The following ATP9B variants were observed in gnomAD, a reference collection of about 807,000 sequenced individuals.
ATP9B encodes probable phospholipid-transporting ATPase IIB.
A neutral mutation model predicts 146.1 loss-of-function variants in ATP9B; 110 were observed. That is an observed-to-expected ratio of 0.75 (90% CI 0.65 to 0.88). The LOEUF is 0.88. Ranked by LOEUF, ATP9B falls within the 40% of genes least tolerant of loss-of-function variation. The pLI is 0.00. For synonymous variants in ATP9B, 604 were observed against 569.7 expected (o/e 1.06, Z -0.86); for missense variants, 1,499 against 1,496.4 (o/e 1.00, Z -0.03).
intron 26 of ATP9B, chr18:79,362,406 T>A (rs957536272): frequency 1.3e-5 from 2 of 152,238 alleles, no homozygotes; most frequent in East Asian, 3.9e-4. Context: ...AAACAAAGAG[T>A]CAGGATTTCC....
At chr18:79,078,604 C>T (rs2072890466) in intron 1 of ATP9B, among the ~76,000 whole-genome samples, 1 of 150,368 alleles carries the variant, frequency 6.7e-6, no homozygotes, top group African/African-American at 2.4e-5. Flanking sequence ...TCATTTTTAA[C>T]AGCTTTTTTG....
chr18:79,279,972 G>C lies in ATP9B; in HGVS notation c.1411+2776G>C, dbSNP rs1251431642. 3.3e-5 allele frequency among the ~76,000 whole-genome samples: 5 copies of C among 152,174 alleles called. No homozygotes were observed. In the East Asian group the frequency reaches 9.6e-4, roughly 29 times the overall value. ...TCTACTCTCCAGCCGTTTTGCTCCT[G>C]CTTCTGTTCCCTACAGAAATGTTTG... On this transcript the variant is annotated intron_variant, in intron 13 of 29. Coordinates refer to ENST00000426216, the MANE Select transcript of ATP9B (RefSeq NM_198531.5).
intron 13 of ATP9B, among the ~76,000 whole-genome samples, chr18:79,279,943 G>A (rs4799028): frequency 0.43 from 64,889 of 152,028 alleles, 14,201 homozygotes; most frequent in Middle Eastern, 0.56. Flanking sequence ...GAATATGCAC[G>A]TGTTCTACTC....
chr18:79,290,113 T>G (rs1022154744), intron 13 of ATP9B, among the ~76,000 whole-genome samples: 146 of 152,196 alleles, frequency 9.6e-4, no homozygotes, highest in African/African-American at 3.0e-3. Context: ...GATCTCCAGC[T>G]GCGTGCTGGG....
chr18:79,342,166 C>T (rs554224728), intron 19 of ATP9B, 102 bp from the exon 20 acceptor site: 5 of 800,020 alleles, frequency 6.2e-6, no homozygotes, highest in African/African-American at 5.1e-5. Flanking sequence ...TTGACGGGCA[C>T]CTGGGTTGCT....
intron 1 of ATP9B, among the ~76,000 whole-genome samples, chr18:79,071,253 C>T (rs928496022): frequency 1.3e-5 from 2 of 151,548 alleles, no homozygotes; most frequent in African/African-American, 4.8e-5. Flanking sequence ...CACTTAGGTC[C>T]TCACTTTAAG....
intron 5 of ATP9B, among the ~76,000 whole-genome samples, chr18:79,143,247 A>G (rs760450001): frequency 7.9e-5 from 12 of 152,246 alleles, no homozygotes; most frequent in Non-Finnish European, 1.5e-4. Context: ...ACTATTCTAC[A>G]TTAGATGTTT....
At chr18:79,196,457 A>G (rs768621828) in intron 9 of ATP9B, among the ~76,000 whole-genome samples, 2 of 152,190 alleles carry the variant, frequency 1.3e-5, no homozygotes, top group Non-Finnish European at 2.9e-5. Context: ...TCAGCTGAAA[A>G]GCAGGAAGAG....
At chr18:79,255,433 C>T (rs748650485) in intron 12 of ATP9B, among the ~76,000 whole-genome samples, 6 of 152,206 alleles carry the variant, frequency 3.9e-5, no homozygotes, top group Non-Finnish European at 8.8e-5. Context: ...CATTTGATGC[C>T]ACCCACTCCC....
chr18:79,154,715 A>G (rs987197976), intron 7 of ATP9B, among the ~76,000 whole-genome samples, 160 bp downstream of exon 7: 6 of 152,230 alleles, frequency 3.9e-5, no homozygotes, highest in Admixed American at 1.3e-4. Flanking sequence ...ATGTAAACAC[A>G]TGAAACCTCT....
intron 13 of ATP9B, among the ~76,000 whole-genome samples, chr18:79,299,244 G>A (rs1230020244): frequency 6.6e-6 from 1 of 152,068 alleles, no homozygotes; most frequent in Non-Finnish European, 1.5e-5. Context: ...TTGGTGGACA[G>A]GAGGCTCTCT....
intron 29 of ATP9B, among the ~76,000 whole-genome samples, chr18:79,376,851 C>T (rs2013180): frequency 0.23 from 34,825 of 151,828 alleles, 4,697 homozygotes; most frequent in East Asian, 0.52. Context: ...TCCACCACCA[C>T]GCCCGGCTAA....
intron 12 of ATP9B, among the ~76,000 whole-genome samples, chr18:79,268,550 A>C (rs960439317): frequency 1.3e-5 from 2 of 152,202 alleles, no homozygotes; most frequent in African/African-American, 4.8e-5. Context: ...TTCTTAACTT[A>C]TCAGAGTTAA....
chr18:79,094,377 A>G (rs1360545006), intron 1 of ATP9B, among the ~76,000 whole-genome samples: 1 of 152,038 alleles, frequency 6.6e-6, no homozygotes, highest in Non-Finnish European at 1.5e-5. Flanking sequence ...TCTCAGCTTT[A>G]TGCTTTCTGA....
intron 5 of ATP9B, among the ~76,000 whole-genome samples, chr18:79,137,324 C>G (rs1309396055): frequency 2.0e-5 from 3 of 151,962 alleles, no homozygotes; most frequent in African/African-American, 7.3e-5. Context: ...CTTTGCATGC[C>G]TATTAATTTT....
At chr18:79,374,144 T>C (rs889711629) in intron 28 of ATP9B, 43 bp downstream of exon 28, 3 of 1,583,550 alleles carry the variant, frequency 1.9e-6, no homozygotes, top group African/African-American at 1.3e-5. Context: ...TCTCTATTCA[T>C]GATTTTGAAG....
intron 12 of ATP9B, among the ~76,000 whole-genome samples, chr18:79,257,846 G>T (rs985098441): frequency 6.6e-6 from 1 of 152,190 alleles, no homozygotes; most frequent in Non-Finnish European, 1.5e-5. Context: ...GTCACATGAT[G>T]TTCCTTTCAA....
chr18:79,117,338 A>G (rs958304227), intron 4 of ATP9B: 2 of 152,256 alleles, frequency 1.3e-5, no homozygotes, highest in Admixed American at 6.5e-5. Flanking sequence ...CCACGTAGCC[A>G]TCCATCAGGC....
rs201499783 is a variant in ATP9B, at chr18:79,071,883, GGTTTT to G, written c.119+2360_119+2364del. On this transcript the variant is annotated intron_variant, in intron 1 of 29. Coordinates refer to ENST00000426216, the MANE Select transcript of ATP9B (RefSeq NM_198531.5). ...ATGGATTTCTTTGGATTTCATGTTT[GGTTTT>G]GTTTTTTTTTTTTTTTTTGGTTTTC... Among the ~76,000 whole-genome samples the G allele has an allele frequency of 3.6e-5, 3 of 83,906 alleles. 1 individual carries two copies. Among genetic ancestry groups the G allele is most frequent in the Non-Finnish European group, 4.6e-5 (2 of 43,708 alleles). The allele number at this position is 83,906 out of a possible 152,430, so 55.0% of individuals were successfully genotyped here.
Sources: gnomAD v4.1 joint callset for allele counts (sites outside exome capture counted in the v4.1 genomes callset) on GRCh38, gnomAD v4.1.1 for gene constraint, MANE v1.5 for transcripts, NCBI Gene and HGNC (gene_info 2026-07-23, HGNC 2026-07-21) for gene names.